Variants in FLYWCH2 observed in about 807,000 individuals in gnomAD.
FLYWCH2 encodes the protein FLYWCH family member 2.
In FLYWCH2, 2 loss-of-function variants were observed where a neutral mutation model predicts 6.0. The ratio of observed to expected loss-of-function variants is 0.33; its 90% CI spans 0.14 to 1.04. The LOEUF (loss-of-function observed/expected upper bound fraction) is 1.04. Ranked by LOEUF, FLYWCH2 falls within the 50% of genes least tolerant of loss-of-function variation. The probability of loss-of-function intolerance (pLI) is 0.45; values close to 1 mark genes in which losing one functional copy is unlikely to be tolerated. For missense variants in FLYWCH2, 192 were observed against 183.4 expected, an observed-to-expected ratio of 1.05 and a Z score of -0.27; for synonymous variants, 87 against 79.3, an observed-to-expected ratio of 1.10 and a Z score of -0.52.
chr16:2,898,969 G>A lies in FLYWCH2; in HGVS notation c.323-80G>A, dbSNP rs2069852342. On this transcript the variant is annotated intron_variant, in intron 3 of 3. Transcript: ENST00000396958. ...CATCCACTGGTTGGGGTGAGAGTGA[G>A]GCCTGGTAGACCCCCAACAGCCAAG... The A allele has an allele frequency of 4.4e-6, 5 of 1,131,556 alleles. No homozygotes were observed. The South Asian group carries it at 7.5e-5, about 17-fold the overall frequency. The allele number at this position is 1,131,556 out of a possible 1,614,324, so 70.1% of individuals were successfully genotyped here.
chr16:2,895,606 C>G (rs1326625464), intron 2 of FLYWCH2, among the ~76,000 whole-genome samples: 3 of 152,214 alleles, frequency 2.0e-5, no homozygotes, highest in Non-Finnish European at 2.9e-5. Flanking sequence ...CAGAGCGAGA[C>G]TCCGTCTCCA....
chr16:2,894,610 G>A (rs545982530), intron 1 of FLYWCH2, among the ~76,000 whole-genome samples: 71 of 152,344 alleles, frequency 4.7e-4, no homozygotes, highest in Non-Finnish European at 5.6e-4. Context: ...TGGCTTGTCC[G>A]GAGGCGGACG....
At chr16:2,894,581 G>T (rs1265922218) in intron 1 of FLYWCH2, among the ~76,000 whole-genome samples, 2 of 152,234 alleles carry the variant, frequency 1.3e-5, no homozygotes, top group African/African-American at 2.4e-5. Flanking sequence ...CGGAAGGGCC[G>T]CACGGGAGGA....
intron 1 of FLYWCH2, among the ~76,000 whole-genome samples, chr16:2,883,735 C>A (rs1157799765): frequency 1.3e-5 from 2 of 152,168 alleles, no homozygotes; most frequent in Admixed American, 6.5e-5. Context: ...GAGTTGGAGG[C>A]GTGAGATACT....
chr16:2,883,553 C>G (rs529293687), intron 1 of FLYWCH2, among the ~76,000 whole-genome samples, 187 bp downstream of exon 1: 1 of 152,156 alleles, frequency 6.6e-6, no homozygotes, highest in Non-Finnish European at 1.5e-5. Context: ...CTTCCCCACC[C>G]CCTCCAGTCC....
At chr16:2,897,121 C>T (rs934140954) in intron 3 of FLYWCH2, among the ~76,000 whole-genome samples, 4 of 152,178 alleles carry the variant, frequency 2.6e-5, no homozygotes, top group South Asian at 2.1e-4. Flanking sequence ...TCTCTAAGAC[C>T]GGGGGCTTGA....
At chr16:2,893,680 C>G (rs2069785101) in intron 1 of FLYWCH2, among the ~76,000 whole-genome samples, 1 of 146,870 alleles carries the variant, frequency 6.8e-6, no homozygotes, top group Admixed American at 6.9e-5. Context: ...CTCTGTCGCC[C>G]AGGCTGGAGT....
intron 1 of FLYWCH2, among the ~76,000 whole-genome samples, chr16:2,893,667 T>A (rs1425058437): frequency 1.4e-5 from 2 of 139,818 alleles, no homozygotes. Flanking sequence ...AAACGGATTC[T>A]CGCTCTGTCG....
intron 3 of FLYWCH2, 42 bp downstream of exon 3, chr16:2,896,813 C>T (rs774761183): frequency 4.5e-6 from 7 of 1,561,758 alleles, no homozygotes; most frequent in Non-Finnish European, 6.1e-6. Context: ...TCGGCACCTC[C>T]CAGGGTGGCC....
At chr16:2,887,332 T>TG (rs2069710194) in intron 1 of FLYWCH2, among the ~76,000 whole-genome samples, 1 of 134,042 alleles carries the variant, frequency 7.5e-6, no homozygotes, top group African/African-American at 2.7e-5. Flanking sequence ...TTTTTTTTTT[T>TG]GTATTTTTAG....
intron 1 of FLYWCH2, among the ~76,000 whole-genome samples, chr16:2,893,970 G>T (rs1356039406): frequency 6.6e-6 from 1 of 152,162 alleles, no homozygotes. Context: ...CTCAGAGTTG[G>T]CCTGGCTGCA....
chr16:2,891,373 G>T (rs1029188653), intron 1 of FLYWCH2, among the ~76,000 whole-genome samples: 3 of 152,136 alleles, frequency 2.0e-5, no homozygotes, highest in Non-Finnish European at 4.4e-5. Flanking sequence ...GACCAGAGTG[G>T]CAGGGTTCTC....
At chr16:2,888,169 C>G (rs908908550) in intron 1 of FLYWCH2, among the ~76,000 whole-genome samples, 2 of 151,862 alleles carry the variant, frequency 1.3e-5, no homozygotes, top group South Asian at 2.1e-4. Context: ...CCGCCACACT[C>G]GGCTAATTTT....
At chr16:2,884,579 A>AAAAAAAAAAAC (rs1285185165) in intron 1 of FLYWCH2, among the ~76,000 whole-genome samples, 7 of 137,752 alleles carry the variant, frequency 5.1e-5, no homozygotes, top group Non-Finnish European at 9.5e-5. Context: ...AAAAAAAAAT[A>AAAAAAAAAAAC]CAAAAATTAG....
intron 1 of FLYWCH2, among the ~76,000 whole-genome samples, chr16:2,885,119 G>C (rs923663490): frequency 2.6e-5 from 4 of 152,100 alleles, no homozygotes; most frequent in Non-Finnish European, 4.4e-5. Flanking sequence ...TCAGGAGATC[G>C]AGACCATCCT....
intron 1 of FLYWCH2, among the ~76,000 whole-genome samples, chr16:2,884,730 C>T (rs1039621313): frequency 2.6e-5 from 4 of 151,202 alleles, no homozygotes; most frequent in Admixed American, 2.6e-4. Flanking sequence ...CAAAATTAGC[C>T]GGGTGTGGTG....
chr16:2,897,133 G>A (rs747391890), intron 3 of FLYWCH2, among the ~76,000 whole-genome samples: 13 of 152,184 alleles, frequency 8.5e-5, no homozygotes, highest in Admixed American at 2.6e-4. Flanking sequence ...GGGGCTTGAT[G>A]GGTCACCTTT....
At chr16:2,884,927 G>A (rs2069681729) in intron 1 of FLYWCH2, among the ~76,000 whole-genome samples, 1 of 151,824 alleles carries the variant, frequency 6.6e-6, no homozygotes, top group Admixed American at 6.6e-5. Context: ...TAGTGACATT[G>A]GGGAACTGCT....
chr16:2,885,975 C>G (rs969621657), intron 1 of FLYWCH2, among the ~76,000 whole-genome samples: 1 of 152,136 alleles, frequency 6.6e-6, no homozygotes, highest in South Asian at 2.1e-4. Flanking sequence ...CCAGTTTCTC[C>G]TCATCCTCAC....
Sources: gnomAD v4.1 joint callset for allele counts (sites outside exome capture counted in the v4.1 genomes callset) on GRCh38, gnomAD v4.1.1 for gene constraint, MANE v1.5 for transcripts, NCBI Gene and HGNC (gene_info 2026-07-23, HGNC 2026-07-21) for gene names.